PFKFB3: variants seen among roughly 807,000 people sequenced by gnomAD.
PFKFB3 encodes the protein 6-phosphofructo-2-kinase/fructose-2,6-bisphosphatase 3.
A neutral mutation model predicts 68.0 loss-of-function variants in PFKFB3; 33 were observed. The observed-to-expected ratio is 0.49, with a 90% CI of 0.37 to 0.65. PFKFB3 has a LOEUF of 0.65. Among genes scored for constraint, PFKFB3 ranks in the 30% least tolerant of loss-of-function variants. The probability of loss-of-function intolerance (pLI) is 0.00; values close to 1 mark genes in which losing one functional copy is unlikely to be tolerated. For synonymous variants in PFKFB3, 315 were observed against 288.2 expected, an observed-to-expected ratio of 1.09 and a Z score of -0.94; for missense variants, 586 against 712.2, an observed-to-expected ratio of 0.82 and a Z score of 2.02.
At chr10:6,149,023 G>A (rs1332234845) in intron 1 of PFKFB3, among the ~76,000 whole-genome samples, 1 of 152,162 alleles carries the variant, frequency 6.6e-6, no homozygotes, top group Non-Finnish European at 1.5e-5. Context: ...AGGCTGCAGT[G>A]AGCTACGATC....
chr10:6,286,516 T>A, the PFKFB3 span, among the ~76,000 whole-genome samples: 1 of 152,212 alleles, frequency 6.6e-6, no homozygotes, highest in Admixed American at 6.5e-5. Context: ...TAGCTGGGAT[T>A]ACAGGCGTAG....
chr10:6,173,607 G>A (rs1020096878), intron 1 of PFKFB3, among the ~76,000 whole-genome samples: 7 of 152,092 alleles, frequency 4.6e-5, no homozygotes, highest in African/African-American at 1.4e-4. Flanking sequence ...AGCAAGGGAG[G>A]GATGTTAGTA....
the PFKFB3 span, chr10:6,277,793 A>T: frequency 2.4e-6 from 1 of 416,780 alleles, no homozygotes; most frequent in Non-Finnish European, 4.9e-6. Flanking sequence ...TTCTTCATAA[A>T]TTACCCAGTC....
At chr10:6,263,878 G>A in the PFKFB3 span, among the ~76,000 whole-genome samples, 1 of 152,192 alleles carries the variant, frequency 6.6e-6, no homozygotes, top group Non-Finnish European at 1.5e-5. Context: ...TAGAGATGAA[G>A]TTTTGCCATG....
chr10:6,241,589 T>C lies in PFKFB3; in HGVS notation c.1516-12589T>C, dbSNP rs1005471967. On this transcript the variant is annotated intron_variant, in intron 14 of 14. Transcript: ENST00000640683. ...GCTCATGCCTGTAATCTCAGTGCTTTGGGAGGCCAAGGTGGGAGGATCGCT... is the reference window on the plus strand; with the variant it reads ...GCTCATGCCTGTAATCTCAGTGCTTCGGGAGGCCAAGGTGGGAGGATCGCT... 2.0e-5 allele frequency among the ~76,000 whole-genome samples: 3 copies of C among 152,114 alleles called. No homozygotes were observed. The East Asian group carries it at 5.8e-4, about 29-fold the overall frequency.
chr10:6,224,047 G>A, intron 12 of PFKFB3, 27 bp downstream of exon 12: 1 of 1,613,974 alleles, frequency 6.2e-7, no homozygotes, highest in Non-Finnish European at 8.5e-7. Flanking sequence ...GCCAAGCCCT[G>A]TCCCCCTGAA....
chr10:6,232,882 C>G lies in PFKFB3; in HGVS notation c.1516-13C>G, dbSNP rs2132055266. On this transcript the variant is annotated splice_polypyrimidine_tract_variant and intron_variant, in intron 14 of 14. Transcript: ENST00000379775. ...CTAACTCCCTCCCCACCTCTCTTTT[C>G]TCCTGAAAACAGAACATGAAAGGCT... The G allele has an allele frequency of 6.2e-7, 1 of 1,610,932 alleles. No individual in the cohort carries two copies. The highest frequency in any genetic ancestry group is 2.2e-5 in the East Asian group (1 of 44,852).
At chr10:6,288,998 T>C in the PFKFB3 span, among the ~76,000 whole-genome samples, 1 of 151,822 alleles carries the variant, frequency 6.6e-6, no homozygotes, top group Non-Finnish European at 1.5e-5. Flanking sequence ...TGCATAAATG[T>C]CTTCTTTTGA....
chr10:6,270,089 G>A, the PFKFB3 span, among the ~76,000 whole-genome samples: 79 of 152,212 alleles, frequency 5.2e-4, no homozygotes, highest in African/African-American at 1.9e-3. Flanking sequence ...CCGAGATCGC[G>A]CCATTGTACT....
chr10:6,225,622 C>G lies in PFKFB3; in HGVS notation c.1342-570C>G, dbSNP rs116563805. ...TCTCATGGGAGGGCTGTGTCTGGTC[C>G]TGGCCGCAGAACCTGCTTCCTGCTG... On this transcript the variant is annotated intron_variant, in intron 13 of 14. Transcript: ENST00000379775. Among the ~76,000 whole-genome samples the G allele has an allele frequency of 4.7e-3, 721 of 152,354 alleles. 5 individuals are homozygous for G. Among genetic ancestry groups the G allele is most frequent in the African/African-American group, 0.017 (691 of 41,582 alleles).
At chr10:6,277,287 G>A in the PFKFB3 span, among the ~76,000 whole-genome samples, 1 of 151,496 alleles carries the variant, frequency 6.6e-6, no homozygotes, top group Non-Finnish European at 1.5e-5. Context: ...AGGCTGGAGT[G>A]CAGTGGCGCG....
At chr10:6,311,557 T>C in the PFKFB3 span, among the ~76,000 whole-genome samples, 2 of 152,052 alleles carry the variant, frequency 1.3e-5, no homozygotes, top group Non-Finnish European at 2.9e-5. Flanking sequence ...GAGACCAGCC[T>C]GGCCAACATG....
chr10:6,237,814 C>T (rs1326881115), downstream of PFKFB3, among the ~76,000 whole-genome samples: 1 of 152,200 alleles, frequency 6.6e-6, no homozygotes, highest in Admixed American at 6.5e-5. Flanking sequence ...GAACTGCCTG[C>T]CTTAACCTCC....
chr10:6,148,807 G>A (rs1472311176), intron 1 of PFKFB3, among the ~76,000 whole-genome samples: 1 of 152,154 alleles, frequency 6.6e-6, no homozygotes, highest in African/African-American at 2.4e-5. Flanking sequence ...GGCCAGTGTG[G>A]TGGCTCATGC....
chr10:6,321,251 A>G, the PFKFB3 span, among the ~76,000 whole-genome samples: 29 of 151,858 alleles, frequency 1.9e-4, no homozygotes. Context: ...GCAAAACCCC[A>G]TGCTCCTTTG....
the PFKFB3 span, among the ~76,000 whole-genome samples, chr10:6,325,176 C>A: frequency 2.6e-5 from 4 of 152,174 alleles, no homozygotes; most frequent in African/African-American, 9.7e-5. Context: ...GTTGCCCAGG[C>A]TGGTCTCAAA....
At chr10:6,266,447 G>A in the PFKFB3 span, among the ~76,000 whole-genome samples, 7 of 152,026 alleles carry the variant, frequency 4.6e-5, no homozygotes, top group African/African-American at 1.5e-4. Context: ...TAAGACTGTC[G>A]ATGTCTCTAA....
chr10:6,236,680 G>T (rs554091335), downstream of PFKFB3, among the ~76,000 whole-genome samples: 1 of 152,350 alleles, frequency 6.6e-6, no homozygotes, highest in South Asian at 2.1e-4. Flanking sequence ...CAGGTGCAGG[G>T]ATGGAGCAGT....
At chr10:6,291,363 T>G in the PFKFB3 span, among the ~76,000 whole-genome samples, 4 of 151,992 alleles carry the variant, frequency 2.6e-5, no homozygotes, top group African/African-American at 9.7e-5. Context: ...GTCAGCCTGG[T>G]CAACATGGTG....
Sources: allele counts gnomAD v4.1 joint callset (sites outside exome capture counted in the v4.1 genomes callset), GRCh38; gene constraint gnomAD v4.1.1; transcripts MANE v1.5; gene names NCBI Gene and HGNC (gene_info 2026-07-23, HGNC 2026-07-21).